OCA2: variants seen among roughly 807,000 people sequenced by gnomAD.
OCA2 encodes the protein OCA2 melanosomal transmembrane protein, also known as P protein.
Under a neutral mutation model 100.2 loss-of-function variants are expected in OCA2, and 77 were observed. The observed-to-expected ratio is 0.77, with a 90% CI of 0.64 to 0.93. The LOEUF (loss-of-function observed/expected upper bound fraction) is 0.93, where lower values mean the gene tolerates loss of function less well. OCA2 is among the 40% of genes least tolerant of loss of function. OCA2 has a pLI of 0.00. For synonymous variants in OCA2, 432 were observed against 439.2 expected (o/e 0.98, Z 0.21); for missense variants, 1,062 against 1,089.1 (o/e 0.98, Z 0.35).
intron 5 of OCA2, among the ~76,000 whole-genome samples, chr15:28,024,475 A>G (rs1361254281): frequency 6.6e-6 from 1 of 152,224 alleles, no homozygotes; most frequent in Non-Finnish European, 1.5e-5. Context: ...ACTCTGGGCT[A>G]TCCACGATCT....
chr15:27,981,122 T>C (rs962892758), intron 14 of OCA2, among the ~76,000 whole-genome samples: 1 of 152,260 alleles, frequency 6.6e-6, no homozygotes, highest in African/African-American at 2.4e-5. Context: ...ATATTTAATA[T>C]GCCACTAATC....
chr15:28,007,369 A>C (rs1164390171), intron 9 of OCA2, among the ~76,000 whole-genome samples: 1 of 152,258 alleles, frequency 6.6e-6, no homozygotes, highest in African/African-American at 2.4e-5. Context: ...GCCGTATTAT[A>C]GATGCAAAGT....
intron 23 of OCA2, among the ~76,000 whole-genome samples, chr15:27,813,264 G>A (rs766259235): frequency 7.2e-5 from 11 of 152,072 alleles, no homozygotes; most frequent in Non-Finnish European, 1.2e-4. Flanking sequence ...GCTCTCCGGG[G>A]TCCCAGCCTA....
intron 2 of OCA2, among the ~76,000 whole-genome samples, chr15:28,036,323 A>G (rs1472671343): frequency 6.6e-6 from 1 of 152,190 alleles, no homozygotes; most frequent in Non-Finnish European, 1.5e-5. Context: ...TCACTGGATC[A>G]AGAAGTTTCT....
rs2030237068 is a variant in OCA2, at chr15:27,755,135, A to C, written c.*253T>G. 2.2e-6 allele frequency: 1 copy of C among 463,788 alleles called. No homozygotes were observed. Among genetic ancestry groups the C allele is most frequent in the South Asian group, 2.1e-5 (1 of 47,970 alleles). The allele number at this position is 463,788 out of a possible 1,614,324, so 28.7% of individuals were successfully genotyped here. A position where few individuals can be genotyped will look rare whatever the true frequency, so the allele number is the denominator to read the frequency against. Reference sequence around the variant, plus strand: ...AAACATACGTATTTTTCTGGAGGGGAATCTTGAGTAAGTTATCTCACATCT... The same window carrying C: ...AAACATACGTATTTTTCTGGAGGGGCATCTTGAGTAAGTTATCTCACATCT... On this transcript the variant is annotated 3_prime_UTR_variant, in exon 24 of 24. Coordinates refer to ENST00000354638, the MANE Select transcript of OCA2 (RefSeq NM_000275.3).
the OCA2 span, among the ~76,000 whole-genome samples, chr15:27,744,831 A>C: frequency 6.6e-6 from 1 of 152,172 alleles, no homozygotes; most frequent in Non-Finnish European, 1.5e-5. Context: ...AAGCCTGGAA[A>C]ACTAATTCAG....
At chr15:28,037,717 A>G (rs2043084788) in intron 2 of OCA2, among the ~76,000 whole-genome samples, 1 of 152,172 alleles carries the variant, frequency 6.6e-6, no homozygotes, top group Non-Finnish European at 1.5e-5. Context: ...GGTAGATAAT[A>G]TTATCCTCAT....
chr15:27,755,921 T>C (rs1317458735), intron 23 of OCA2, among the ~76,000 whole-genome samples: 1 of 152,152 alleles, frequency 6.6e-6, no homozygotes, highest in Non-Finnish European at 1.5e-5. Flanking sequence ...GCTTGATAAG[T>C]AGTGTTGGAA....
chr15:27,742,707 A>G, the OCA2 span, among the ~76,000 whole-genome samples: 77 of 152,020 alleles, frequency 5.1e-4, 1 homozygote, highest in Admixed American at 5.0e-3. Flanking sequence ...CTTTGTCACT[A>G]AAAGAATCCC....
intron 2 of OCA2, among the ~76,000 whole-genome samples, chr15:28,042,472 C>CAAAAAAAAAAAAA (rs972724008): frequency 6.2e-5 from 6 of 97,172 alleles, no homozygotes; most frequent in Admixed American, 1.0e-4. Flanking sequence ...ACTAAAAATA[C>CAAAAAAAAAAAAA]AAAAAAAAAA....
At chr15:27,964,714 C>T (rs918596762) in intron 15 of OCA2, among the ~76,000 whole-genome samples, 1 of 152,144 alleles carries the variant, frequency 6.6e-6, no homozygotes, top group African/African-American at 2.4e-5. Context: ...TGTACACCAC[C>T]ACAGGCCTGC....
chr15:27,831,694 A>G (rs143928950), intron 23 of OCA2, among the ~76,000 whole-genome samples: 17 of 152,284 alleles, frequency 1.1e-4, no homozygotes, highest in Non-Finnish European at 2.4e-4. Flanking sequence ...GCCGTTCTCT[A>G]TCACTGGAAG....
At chr15:27,990,704 C>A in intron 9 of OCA2, 57 bp from the exon 10 acceptor site, 2 of 1,468,272 alleles carry the variant, frequency 1.4e-6, no homozygotes, top group Non-Finnish European at 1.9e-6. Flanking sequence ...TTAGCACACA[C>A]GAAAGCCTGT....
At chr15:27,939,099 C>T (rs1038685238) in intron 18 of OCA2, among the ~76,000 whole-genome samples, 1 of 152,224 alleles carries the variant, frequency 6.6e-6, no homozygotes, top group Non-Finnish European at 1.5e-5. Context: ...TGTTGAAAAT[C>T]AAACAGGCTC....
At chr15:28,054,714 T>C (rs2043633263) in intron 2 of OCA2, among the ~76,000 whole-genome samples, 1 of 152,168 alleles carries the variant, frequency 6.6e-6, no homozygotes, top group Admixed American at 6.5e-5. Flanking sequence ...ATGCAACTTT[T>C]TGTTACTGTA....
chr15:27,754,069 C>T (rs912906840), downstream of OCA2, among the ~76,000 whole-genome samples: 2 of 152,162 alleles, frequency 1.3e-5, no homozygotes, highest in Admixed American at 1.3e-4. Flanking sequence ...CTTCCCTGGA[C>T]AGGCTGTGGC....
chr15:27,864,627 C>A (rs1254709365), intron 21 of OCA2, among the ~76,000 whole-genome samples: 1 of 152,060 alleles, frequency 6.6e-6, no homozygotes, highest in Non-Finnish European at 1.5e-5. Flanking sequence ...CACCCAGAGG[C>A]TGGGTGACAG....
At chr15:27,913,637 G>C (rs2038485371) in intron 19 of OCA2, among the ~76,000 whole-genome samples, 1 of 151,260 alleles carries the variant, frequency 6.6e-6, no homozygotes, top group Non-Finnish European at 1.5e-5. Flanking sequence ...AAGAAAGTGG[G>C]GCCAAAACTG....
intron 14 of OCA2, among the ~76,000 whole-genome samples, chr15:27,978,630 C>A (rs1160163984): frequency 1.3e-5 from 2 of 150,940 alleles, no homozygotes; most frequent in African/African-American, 2.4e-5. Flanking sequence ...CATTCCTTTA[C>A]TTTTAACTTG....
Sources: gnomAD v4.1 joint callset for allele counts (sites outside exome capture counted in the v4.1 genomes callset) on GRCh38, gnomAD v4.1.1 for gene constraint, MANE v1.5 for transcripts, NCBI Gene and HGNC (gene_info 2026-07-23, HGNC 2026-07-21) for gene names.